Variants in CIMAP1C observed in about 807,000 individuals in gnomAD.
The protein encoded by CIMAP1C is ciliary microtubule associated protein 1C, also known as outer dense fiber of sperm tails 3 like 1.
At chr15:75,725,955 C>T in the CIMAP1C span, 1 of 687,572 alleles carries the variant, frequency 1.5e-6, no homozygotes, top group Non-Finnish European at 2.5e-6. Flanking sequence ...ACCCAGGAGC[C>T]ACAGAATCTG....
the CIMAP1C span, chr15:75,727,688 A>T: frequency 1.2e-6 from 1 of 863,010 alleles, no homozygotes; most frequent in Non-Finnish European, 1.8e-6. Context: ...ATTTTCATGT[A>T]TTTGTTTTTT....
chr15:75,724,834 C>T, the CIMAP1C span, among the ~76,000 whole-genome samples: 2 of 152,178 alleles, frequency 1.3e-5, no homozygotes, highest in African/African-American at 2.4e-5. Flanking sequence ...TAATCCACGT[C>T]GGATGCCTAG....
At chr15:75,724,064 G>A in the CIMAP1C span, 25 of 640,876 alleles carry the variant, frequency 3.9e-5, no homozygotes, top group Non-Finnish European at 6.9e-5. Context: ...TGCTCAAGCT[G>A]GAGAACTGTC....
the CIMAP1C span, chr15:75,725,938 C>T: frequency 1.7e-5 from 11 of 633,634 alleles, no homozygotes; most frequent in Admixed American, 2.3e-4. Flanking sequence ...ATCAAGGGTC[C>T]CCAAACACCC....
chr15:75,724,253 A>G, the CIMAP1C span: 1 of 1,614,146 alleles, frequency 6.2e-7, no homozygotes, highest in Middle Eastern at 1.7e-4. Context: ...AGCACCCAGA[A>G]AAGGAGCCAT....
At chr15:75,726,318 A>T in the CIMAP1C span, 1 of 616,558 alleles carries the variant, frequency 1.6e-6, no homozygotes, top group Admixed American at 2.8e-5. Flanking sequence ...CCGACATTGC[A>T]ATGCTGACAT....
the CIMAP1C span, chr15:75,725,102 T>G: frequency 5.6e-5 from 90 of 1,608,216 alleles, no homozygotes; most frequent in Non-Finnish European, 6.7e-5. Context: ...CTGTCCATCC[T>G]TACAGGTCCG....
chr15:75,724,626 G>A, the CIMAP1C span, among the ~76,000 whole-genome samples: 3 of 152,324 alleles, frequency 2.0e-5, no homozygotes, highest in Admixed American at 1.3e-4. Flanking sequence ...TACTATGTTG[G>A]TAATGACTGA....
At chr15:75,726,956 C>T in the CIMAP1C span, 6 of 1,457,986 alleles carry the variant, frequency 4.1e-6, no homozygotes, top group Middle Eastern at 2.5e-4. Context: ...CTGAGGTGGT[C>T]AGCCTGAGGT....
At chr15:75,726,646 C>T in the CIMAP1C span, among the ~76,000 whole-genome samples, 4 of 152,148 alleles carry the variant, frequency 2.6e-5, no homozygotes, top group South Asian at 2.1e-4. Flanking sequence ...GATCGAGTCT[C>T]GCTCTGTTGC....
At chr15:75,725,164 A>C in the CIMAP1C span, 5 of 1,614,054 alleles carry the variant, frequency 3.1e-6, no homozygotes, top group East Asian at 1.1e-4. Flanking sequence ...AGATCATGAC[A>C]TCTCCATGTT....
chr15:75,726,254 G>A, the CIMAP1C span: 1 of 826,898 alleles, frequency 1.2e-6, no homozygotes, highest in Non-Finnish European at 2.0e-6. Context: ...AGGGGCAAAG[G>A]GTCAAGACTT....
At chr15:75,726,006 C>G in the CIMAP1C span, 8 of 1,239,960 alleles carry the variant, frequency 6.5e-6, no homozygotes, top group Non-Finnish European at 9.4e-6. Context: ...GCCAGGTGCT[C>G]AGTGGGGCAG....
chr15:75,727,202 A>G, the CIMAP1C span: 6 of 1,614,146 alleles, frequency 3.7e-6, no homozygotes, highest in Admixed American at 5.0e-5. Flanking sequence ...CCAGTACCAG[A>G]TGCCACTCTT....
the CIMAP1C span, chr15:75,725,051 T>A: frequency 8.4e-7 from 1 of 1,186,376 alleles, no homozygotes; most frequent in African/African-American, 1.5e-5. Flanking sequence ...TACTGGGGCT[T>A]CCCCTGCCTC....
At chr15:75,727,346 A>T in the CIMAP1C span, 1 of 1,613,996 alleles carries the variant, frequency 6.2e-7, no homozygotes, top group Non-Finnish European at 8.5e-7. Flanking sequence ...TGAGCCATCC[A>T]TCTATCAGAA....
chr15:75,724,403 A>G, the CIMAP1C span: 1 of 892,636 alleles, frequency 1.1e-6, no homozygotes, highest in African/African-American at 1.6e-5. Context: ...GCCCCTTCCA[A>G]CTTCCTTGAA....
chr15:75,725,978 G>A, the CIMAP1C span: 3 of 835,228 alleles, frequency 3.6e-6, no homozygotes, highest in Admixed American at 6.8e-5. Flanking sequence ...GTGGGAGGGA[G>A]ATCTTGCCTG....
the CIMAP1C span, chr15:75,727,114 G>A: frequency 1.5e-5 from 25 of 1,613,764 alleles, no homozygotes; most frequent in South Asian, 4.4e-5. Context: ...TCCACCCACC[G>A]GGGGAACGCA....
Sources: allele counts gnomAD v4.1 joint callset (sites outside exome capture counted in the v4.1 genomes callset), GRCh38; gene constraint gnomAD v4.1.1; transcripts MANE v1.5; gene names NCBI Gene and HGNC (gene_info 2026-07-23, HGNC 2026-07-21).